Variants in SHROOM4 observed in about 807,000 individuals in gnomAD.
SHROOM4 encodes protein Shroom4.
A neutral mutation model predicts 80.3 loss-of-function variants in SHROOM4; 17 were observed. The ratio of observed to expected loss-of-function variants is 0.21; its 90% CI spans 0.14 to 0.32. SHROOM4 has a LOEUF of 0.32. Among genes scored for constraint, SHROOM4 ranks in the 10% least tolerant of loss-of-function variants. The probability of loss-of-function intolerance (pLI) is 1.00; values close to 1 mark genes in which losing one functional copy is unlikely to be tolerated. For missense variants in SHROOM4, 993 were observed against 1,140.3 expected (o/e 0.87, Z 1.86); for synonymous variants, 400 against 437.5 (o/e 0.91, Z 1.07).
At chrX:50,760,882 A>G (rs907828595) in intron 1 of SHROOM4, among the ~76,000 whole-genome samples, 1 of 111,670 alleles carries the variant, frequency 9.0e-6, no homozygotes, top group Non-Finnish European at 1.9e-5. Flanking sequence ...CATTATTATT[A>G]ATACAGTTGA....
chrX:50,615,100 G>T (rs993188262), intron 5 of SHROOM4, among the ~76,000 whole-genome samples: 11 of 40,887 alleles, frequency 2.7e-4, no homozygotes, highest in African/African-American at 1.8e-3. Flanking sequence ...TTCTCTTATT[G>T]TGTGTGTGTG....
intron 1 of SHROOM4, among the ~76,000 whole-genome samples, chrX:50,799,080 T>C (rs1331831104): frequency 8.9e-6 from 1 of 112,201 alleles, no homozygotes; most frequent in African/African-American, 3.2e-5. Flanking sequence ...GTGCCTCTGA[T>C]GGGGTTTACC....
At chrX:50,665,498 A>G (rs1557260281) in intron 2 of SHROOM4, among the ~76,000 whole-genome samples, 1 of 110,839 alleles carries the variant, frequency 9.0e-6, no homozygotes, top group African/African-American at 3.3e-5. Context: ...CCCAGTCAAA[A>G]TATTTCATTT....
chrX:50,732,213 G>T (rs781872125), intron 1 of SHROOM4, among the ~76,000 whole-genome samples: 4 of 111,603 alleles, frequency 3.6e-5, no homozygotes, highest in African/African-American at 1.3e-4. Flanking sequence ...GTGATTGTGG[G>T]CACACCCAAA....
chrX:50,802,791 C>T (rs1557272733), intron 1 of SHROOM4, among the ~76,000 whole-genome samples: 2 of 111,643 alleles, frequency 1.8e-5, no homozygotes, highest in Non-Finnish European at 3.8e-5. Flanking sequence ...TACCTACTTC[C>T]AACTTGCATC....
intron 2 of SHROOM4, among the ~76,000 whole-genome samples, chrX:50,652,342 A>C (rs1932127441): frequency 8.9e-6 from 1 of 112,258 alleles, no homozygotes; most frequent in Non-Finnish European, 1.9e-5. Context: ...AATGACGATA[A>C]GCTTTTTTTC....
rs1274326571 is a variant in SHROOM4, at chrX:50,596,101, A to T, written c.*594T>A. On this transcript the variant is annotated 3_prime_UTR_variant, in exon 9 of 9. Coordinates refer to ENST00000376020, the MANE Select transcript of SHROOM4 (RefSeq NM_020717.5). ...GCTGGGAAAGGTAAGGGTAGAGCCT[A>T]TTTAAACCTGGTTCCTTCCTAAGGG... The T allele has an allele frequency of 1.5e-5, 5 of 328,601 alleles. No homozygotes were observed. The highest frequency in any genetic ancestry group is 2.9e-5 in the Non-Finnish European group (5 of 169,899). 27.1% of individuals were successfully genotyped at this position (328,601 alleles called of 1,213,427 possible). A position where few individuals can be genotyped will look rare whatever the true frequency, so the allele number is the denominator to read the frequency against.
chrX:50,793,515 G>A (rs1170312599), intron 1 of SHROOM4, among the ~76,000 whole-genome samples: 3 of 105,494 alleles, frequency 2.8e-5, no homozygotes, highest in African/African-American at 1.0e-4. Flanking sequence ...TTCTGACATC[G>A]AAAATACAAA....
At chrX:50,673,625 T>C (rs1223757987) in intron 2 of SHROOM4, among the ~76,000 whole-genome samples, 5 of 110,898 alleles carry the variant, frequency 4.5e-5, no homozygotes, top group African/African-American at 1.3e-4. Flanking sequence ...TAAAAACACA[T>C]GATTCAACTA....
At chrX:50,753,408 T>C (rs1357620904) in intron 1 of SHROOM4, among the ~76,000 whole-genome samples, 6 of 111,980 alleles carry the variant, frequency 5.4e-5, no homozygotes, top group Non-Finnish European at 1.1e-4. Context: ...GCAAAACAAA[T>C]TGTTATTGGG....
At chrX:50,742,645 G>GT (rs1316879054) in intron 1 of SHROOM4, among the ~76,000 whole-genome samples, 3 of 103,073 alleles carry the variant, frequency 2.9e-5, no homozygotes, top group African/African-American at 1.1e-4. Flanking sequence ...ATTTTTCGGG[G>GT]GGGGGGGCAA....
rs1557245161 is a variant in SHROOM4, at chrX:50,589,428, C to G, written c.*7267G>C. Among the ~76,000 whole-genome samples, 1 of 111,438 alleles carries G rather than the reference C, an allele frequency of 9.0e-6. No homozygotes were observed. On this transcript the variant is annotated 3_prime_UTR_variant, in exon 9 of 9. Transcript: ENST00000376020. ...ATTTTCATCATCCCCAAAAGAAACC[C>G]CATGCCTATTGCCCCTGAGCCCCCA...
At chrX:50,657,359 C>T (rs1331401719) in intron 2 of SHROOM4, among the ~76,000 whole-genome samples, 2 of 111,325 alleles carry the variant, frequency 1.8e-5, no homozygotes, top group African/African-American at 3.3e-5. Context: ...TTCAGCTTTC[C>T]ACCATGGAAT....
intron 2 of SHROOM4, among the ~76,000 whole-genome samples, chrX:50,640,866 T>G (rs984027906): frequency 8.9e-6 from 1 of 112,363 alleles, no homozygotes; most frequent in African/African-American, 3.2e-5. Flanking sequence ...CTACCACTCA[T>G]TAGCTCTGTT....
intron 1 of SHROOM4, among the ~76,000 whole-genome samples, chrX:50,757,391 C>A (rs1229256418): frequency 8.9e-6 from 1 of 111,795 alleles, no homozygotes; most frequent in East Asian, 2.8e-4. Flanking sequence ...ACTATTGTGG[C>A]CTTGTCATAA....
chrX:50,734,793 G>A (rs1222012567), intron 1 of SHROOM4, among the ~76,000 whole-genome samples: 1 of 111,079 alleles, frequency 9.0e-6, no homozygotes, highest in African/African-American at 3.3e-5. Flanking sequence ...CTGAATCATG[G>A]GGGCAGTTTC....
intron 2 of SHROOM4, among the ~76,000 whole-genome samples, chrX:50,680,372 T>G (rs1932914576): frequency 8.9e-6 from 1 of 112,092 alleles, no homozygotes; most frequent in Non-Finnish European, 1.9e-5. Context: ...CTTAAAAATA[T>G]TTTTTACCTT....
intron 1 of SHROOM4, among the ~76,000 whole-genome samples, chrX:50,729,417 C>A (rs1413983490): frequency 8.1e-5 from 9 of 110,683 alleles, no homozygotes; most frequent in African/African-American, 3.0e-4. Flanking sequence ...AAGAAAGAAT[C>A]AATAAACTTG....
chrX:50,700,198 G>GTGTT (rs1488265136), intron 1 of SHROOM4, among the ~76,000 whole-genome samples: 1 of 112,306 alleles, frequency 8.9e-6, no homozygotes, highest in African/African-American at 3.2e-5. Context: ...TTAAATTGAT[G>GTGTT]TGTTTGTTTT....
Sources: allele counts gnomAD v4.1 joint callset (sites outside exome capture counted in the v4.1 genomes callset), GRCh38; gene constraint gnomAD v4.1.1; transcripts MANE v1.5; gene names NCBI Gene and HGNC (gene_info 2026-07-23, HGNC 2026-07-21).